The following DCLK1 variants were observed in gnomAD, a reference collection of about 807,000 sequenced individuals.
The protein encoded by DCLK1 is doublecortin like kinase 1, also known as serine/threonine-protein kinase DCLK1.
DCLK1 carries 16 observed loss-of-function variants against 86.2 expected under a neutral mutation model. That is an observed-to-expected ratio of 0.19 (90% CI 0.13 to 0.28). DCLK1 has a LOEUF of 0.28. Among genes scored for constraint, DCLK1 ranks in the 10% least tolerant of loss-of-function variants. The pLI, the probability that DCLK1 is intolerant of heterozygous loss-of-function variation, is 1.00. For synonymous variants in DCLK1, 369 were observed against 370.5 expected, an observed-to-expected ratio of 1.00 and a Z score of 0.05; for missense variants, 590 against 940.2, an observed-to-expected ratio of 0.63 and a Z score of 4.87.
intron 16 of DCLK1, among the ~76,000 whole-genome samples, chr13:35,789,152 C>T (rs900190828): frequency 6.6e-6 from 1 of 152,132 alleles, no homozygotes; most frequent in South Asian, 2.1e-4. Flanking sequence ...GTACCCGCTT[C>T]CCCATTCTGC....
chr13:35,958,784 C>T (rs1219544399), intron 3 of DCLK1, among the ~76,000 whole-genome samples: 2 of 152,162 alleles, frequency 1.3e-5, no homozygotes, highest in African/African-American at 2.4e-5. Flanking sequence ...TTTTTTCACC[C>T]ATACTTAAAT....
chr13:35,779,849 T>C (rs1013865466), intron 16 of DCLK1, among the ~76,000 whole-genome samples: 29 of 152,270 alleles, frequency 1.9e-4, no homozygotes, highest in African/African-American at 6.5e-4. Flanking sequence ...TCTTTTCCAA[T>C]TGAATTCTGT....
intron 4 of DCLK1, among the ~76,000 whole-genome samples, chr13:35,925,617 G>A (rs887474197): frequency 1.2e-4 from 19 of 152,148 alleles, no homozygotes; most frequent in African/African-American, 3.4e-4. Context: ...TGTGTTTTAA[G>A]TTACTCATGT....
chr13:35,848,329 T>C, intron 6 of DCLK1: 1 of 985,182 alleles, frequency 1.0e-6, no homozygotes. Context: ...AATTTTTATT[T>C]CTGCTTTAGT....
chr13:35,965,183 G>T (rs1287856530), intron 3 of DCLK1, among the ~76,000 whole-genome samples: 1 of 152,128 alleles, frequency 6.6e-6, no homozygotes, highest in Admixed American at 6.5e-5. Flanking sequence ...TCATGAATGT[G>T]TCATTCATGA....
At chr13:35,824,650 G>A (rs1248208919) in intron 10 of DCLK1, among the ~76,000 whole-genome samples, 1 of 152,072 alleles carries the variant, frequency 6.6e-6, no homozygotes. Context: ...CCCTCCGTGA[G>A]CTCCTTATCC....
chr13:35,871,972 G>T (rs1316461232), intron 4 of DCLK1, among the ~76,000 whole-genome samples: 1 of 152,220 alleles, frequency 6.6e-6, no homozygotes, highest in Admixed American at 6.5e-5. Context: ...GAAATGGTTT[G>T]TGGCTTGAGG....
chr13:35,918,738 C>G (rs965788222), intron 4 of DCLK1, among the ~76,000 whole-genome samples: 1 of 151,838 alleles, frequency 6.6e-6, no homozygotes, highest in Non-Finnish European at 1.5e-5. Flanking sequence ...CATGACTGGC[C>G]GTATCTACCT....
chr13:35,937,174 T>C (rs1000405537), intron 4 of DCLK1, among the ~76,000 whole-genome samples: 5 of 151,516 alleles, frequency 3.3e-5, no homozygotes, highest in African/African-American at 9.7e-5. Context: ...GGGGTTTCAT[T>C]GTGCTGGCCA....
chr13:36,115,182 A>G (rs148741339), intron 2 of DCLK1, among the ~76,000 whole-genome samples: 1 of 152,186 alleles, frequency 6.6e-6, no homozygotes, highest in East Asian at 1.9e-4. Flanking sequence ...TTTAAAAAAC[A>G]AACGAAAAAA....
chr13:35,922,354 G>A (rs1875850462), intron 4 of DCLK1, among the ~76,000 whole-genome samples: 1 of 152,050 alleles, frequency 6.6e-6, no homozygotes, highest in South Asian at 2.1e-4. Context: ...AATTCCTTGG[G>A]GAGAAGGACC....
chr13:36,115,370 G>T (rs935456234), intron 2 of DCLK1, among the ~76,000 whole-genome samples: 4 of 151,946 alleles, frequency 2.6e-5, no homozygotes, highest in African/African-American at 7.3e-5. Flanking sequence ...AGGTATTTTT[G>T]AGCAAAACAG....
intron 8 of DCLK1, among the ~76,000 whole-genome samples, chr13:35,832,987 T>C (rs550213112): frequency 3.9e-5 from 6 of 152,306 alleles, no homozygotes; most frequent in South Asian, 4.1e-4. Flanking sequence ...GTTGAGGTTA[T>C]TGAGAATTTT....
intron 4 of DCLK1, among the ~76,000 whole-genome samples, chr13:35,936,364 C>T (rs951435920): frequency 6.6e-6 from 1 of 152,242 alleles, no homozygotes; most frequent in African/African-American, 2.4e-5. Flanking sequence ...TATCAGATAC[C>T]AAAGTGAATT....
intron 3 of DCLK1, among the ~76,000 whole-genome samples, chr13:36,100,737 T>C (rs1042570828): frequency 6.6e-6 from 1 of 152,142 alleles, no homozygotes; most frequent in African/African-American, 2.4e-5. Context: ...AGCTGCCAGC[T>C]GAATTAAATA....
chr13:36,008,237 T>A (rs1881096257), intron 3 of DCLK1, among the ~76,000 whole-genome samples: 2 of 131,466 alleles, frequency 1.5e-5, no homozygotes, highest in South Asian at 2.6e-4. Flanking sequence ...ATTTTTTTAA[T>A]TATACTTTAA....
intron 3 of DCLK1, among the ~76,000 whole-genome samples, chr13:36,019,083 A>C (rs956878278): frequency 4.6e-5 from 7 of 152,200 alleles, no homozygotes; most frequent in African/African-American, 2.4e-5. Context: ...TTTTCTAAGT[A>C]TGCTACCAAA....
intron 3 of DCLK1, among the ~76,000 whole-genome samples, chr13:36,013,835 C>G (rs1298972019): frequency 6.6e-6 from 1 of 152,210 alleles, no homozygotes; most frequent in South Asian, 2.1e-4. Flanking sequence ...GCCTCTCTGC[C>G]GCCTTGCAGT....
intron 3 of DCLK1, among the ~76,000 whole-genome samples, chr13:36,081,272 C>A (rs1416373700): frequency 6.6e-6 from 1 of 152,020 alleles, no homozygotes; most frequent in African/African-American, 2.4e-5. Context: ...TTCCTAACAT[C>A]TCATTAAATA....
Sources: allele counts gnomAD v4.1 joint callset (sites outside exome capture counted in the v4.1 genomes callset), GRCh38; gene constraint gnomAD v4.1.1; transcripts MANE v1.5; gene names NCBI Gene and HGNC (gene_info 2026-07-23, HGNC 2026-07-21).